Variants in CHCHD3 observed in about 807,000 individuals in gnomAD.
The protein encoded by CHCHD3 is coiled-coil-helix-coiled-coil-helix domain containing 3, also known as MICOS complex subunit MIC19.
A neutral mutation model predicts 38.2 loss-of-function variants in CHCHD3; 20 were observed. That is an observed-to-expected ratio of 0.52 (90% CI 0.37 to 0.76). The LOEUF is 0.76. CHCHD3 is among the 30% of genes least tolerant of loss of function. The pLI is 0.00. For synonymous variants in CHCHD3, 82 were observed against 100.0 expected, an observed-to-expected ratio of 0.82 and a Z score of 1.07; for missense variants, 245 against 279.2, an observed-to-expected ratio of 0.88 and a Z score of 0.87.
intron 4 of CHCHD3, among the ~76,000 whole-genome samples, chr7:132,953,792 A>AACAGGAGT (rs2117292042): frequency 6.6e-6 from 1 of 152,306 alleles, no homozygotes; most frequent in South Asian, 2.1e-4. Flanking sequence ...ATTTTACTCA[A>AACAGGAGT]ACAGGAGTAA....
At chr7:132,844,195 G>A (rs983576299) in intron 5 of CHCHD3, among the ~76,000 whole-genome samples, 1 of 152,184 alleles carries the variant, frequency 6.6e-6, no homozygotes, top group African/African-American at 2.4e-5. Context: ...CTACTCGGCT[G>A]GCTGAGGTAT....
At chr7:132,982,092 A>AAAAATT (rs774266091) in intron 3 of CHCHD3, among the ~76,000 whole-genome samples, 4 of 152,200 alleles carry the variant, frequency 2.6e-5, no homozygotes, top group Non-Finnish European at 5.9e-5. Flanking sequence ...TAAGCTGGGT[A>AAAAATT]ATTCAATGAA....
chr7:132,812,131 T>C (rs1189649694), intron 6 of CHCHD3, among the ~76,000 whole-genome samples: 2 of 151,738 alleles, frequency 1.3e-5, no homozygotes, highest in Non-Finnish European at 1.5e-5. Flanking sequence ...ATTCCCAATA[T>C]CCATTCTGTC....
intron 2 of CHCHD3, among the ~76,000 whole-genome samples, chr7:133,051,098 A>G (rs1005785117): frequency 6.6e-6 from 1 of 152,220 alleles, no homozygotes; most frequent in Non-Finnish European, 1.5e-5. Flanking sequence ...ATACTGCTCA[A>G]TGTTCTTGAA....
intron 6 of CHCHD3, among the ~76,000 whole-genome samples, chr7:132,812,831 C>G (rs956675726): frequency 6.6e-6 from 1 of 152,206 alleles, no homozygotes; most frequent in African/African-American, 2.4e-5. Flanking sequence ...CTCTACGACA[C>G]TTTCTCACAA....
intron 5 of CHCHD3, among the ~76,000 whole-genome samples, chr7:132,839,808 G>T (rs762203250): frequency 2.0e-5 from 3 of 152,138 alleles, no homozygotes; most frequent in Non-Finnish European, 4.4e-5. Context: ...CCATAGACAG[G>T]TCACCATTTG....
At chr7:132,993,016 T>C (rs1210225432) in intron 3 of CHCHD3, among the ~76,000 whole-genome samples, 1 of 152,204 alleles carries the variant, frequency 6.6e-6, no homozygotes, top group Non-Finnish European at 1.5e-5. Context: ...TTAGGTGTCA[T>C]TCCATCTTCT....
chr7:133,004,107 T>C (rs534531275), intron 3 of CHCHD3, among the ~76,000 whole-genome samples: 1 of 152,086 alleles, frequency 6.6e-6, no homozygotes, highest in African/African-American at 2.4e-5. Context: ...CCCGCCACCA[T>C]ACCCAGCTAA....
At chr7:133,050,801 G>C (rs1373835893) in intron 2 of CHCHD3, among the ~76,000 whole-genome samples, 1 of 152,036 alleles carries the variant, frequency 6.6e-6, no homozygotes, top group African/African-American at 2.4e-5. Flanking sequence ...GACCACTTGA[G>C]GTCAGGAGTT....
At chr7:132,898,794 C>T (rs762641092) in intron 4 of CHCHD3, among the ~76,000 whole-genome samples, 5 of 152,212 alleles carry the variant, frequency 3.3e-5, no homozygotes, top group South Asian at 2.1e-4. Flanking sequence ...AGCGCAGCGC[C>T]GGTGGGCTGG....
intron 6 of CHCHD3, among the ~76,000 whole-genome samples, chr7:132,810,619 G>A (rs1432401748): frequency 1.3e-5 from 2 of 152,118 alleles, no homozygotes; most frequent in African/African-American, 4.8e-5. Context: ...TCTCATACAC[G>A]AGTATTTCAG....
At chr7:132,918,325 G>A (rs1211190860) in intron 4 of CHCHD3, among the ~76,000 whole-genome samples, 2 of 152,180 alleles carry the variant, frequency 1.3e-5, no homozygotes, top group Non-Finnish European at 2.9e-5. Flanking sequence ...TTCCCCATCA[G>A]TAAAATGAAG....
At chr7:132,978,376 G>A (rs1228319619) in intron 3 of CHCHD3, among the ~76,000 whole-genome samples, 8 of 152,100 alleles carry the variant, frequency 5.3e-5, no homozygotes, top group Non-Finnish European at 1.2e-4. Flanking sequence ...CCAGCAGCTA[G>A]ACCCTTTCAC....
intron 3 of CHCHD3, among the ~76,000 whole-genome samples, chr7:133,023,130 T>C (rs1813239649): frequency 6.6e-6 from 1 of 152,094 alleles, no homozygotes; most frequent in South Asian, 2.1e-4. Flanking sequence ...TCTAATTATA[T>C]AGTCTATCAA....
chr7:133,074,654 G>T (rs1434278751), intron 1 of CHCHD3, among the ~76,000 whole-genome samples: 1 of 152,062 alleles, frequency 6.6e-6, no homozygotes, highest in Admixed American at 6.5e-5. Context: ...TCCCATGCAT[G>T]TAATAAAAAT....
intron 4 of CHCHD3, chr7:132,973,596 T>C: frequency 1.4e-5 from 14 of 1,000,040 alleles, no homozygotes; most frequent in Non-Finnish European, 1.7e-5. Flanking sequence ...TCCACTGACA[T>C]TTCTTTCTTG....
chr7:133,045,270 GA>G (rs1221426981), intron 2 of CHCHD3, among the ~76,000 whole-genome samples: 2 of 152,088 alleles, frequency 1.3e-5, no homozygotes, highest in African/African-American at 4.8e-5. Context: ...AACTGACGAA[GA>G]GGTTCAGACT....
chr7:132,971,565 G>A (rs1225413328), intron 4 of CHCHD3, among the ~76,000 whole-genome samples: 1 of 152,170 alleles, frequency 6.6e-6, no homozygotes, highest in African/African-American at 2.4e-5. Context: ...GAAAAAGCCT[G>A]GACTCACATC....
At chr7:132,893,754 A>G (rs1194802647) in intron 4 of CHCHD3, among the ~76,000 whole-genome samples, 1 of 152,134 alleles carries the variant, frequency 6.6e-6, no homozygotes, top group Admixed American at 6.5e-5. Flanking sequence ...ATGGTTCTGT[A>G]AGTGTCTGAA....
Sources: gnomAD v4.1 joint callset for allele counts (sites outside exome capture counted in the v4.1 genomes callset) on GRCh38, gnomAD v4.1.1 for gene constraint, MANE v1.5 for transcripts, NCBI Gene and HGNC (gene_info 2026-07-23, HGNC 2026-07-21) for gene names.